Variants in MMP24 observed in about 807,000 individuals in gnomAD.
The protein encoded by MMP24 is matrix metallopeptidase 24, also known as matrix metalloproteinase-24.
In MMP24, 25 loss-of-function variants were observed where a neutral mutation model predicts 62.8. The ratio of observed to expected loss-of-function variants is 0.40; its 90% CI spans 0.29 to 0.56. MMP24 has a LOEUF of 0.56. Among genes scored for constraint, MMP24 ranks in the 20% least tolerant of loss-of-function variants. The pLI is 0.50. For missense variants in MMP24, 634 were observed against 853.6 expected (o/e 0.74, Z 3.21); for synonymous variants, 319 against 350.5 (o/e 0.91, Z 1.00).
At chr20:35,268,293 T>C (rs976504764) in intron 6 of MMP24, among the ~76,000 whole-genome samples, 1 of 152,228 alleles carries the variant, frequency 6.6e-6, no homozygotes, top group Non-Finnish European at 1.5e-5. Context: ...GAAAACTGCC[T>C]GCTGGCCACA....
chr20:35,270,552 C>T (rs2060663354), intron 7 of MMP24, among the ~76,000 whole-genome samples: 1 of 152,218 alleles, frequency 6.6e-6, no homozygotes, highest in African/African-American at 2.4e-5. Context: ...TCCATTAGGC[C>T]AAGGCTGGAA....
chr20:35,247,338 G>A (rs999845616), intron 2 of MMP24, among the ~76,000 whole-genome samples: 1 of 152,184 alleles, frequency 6.6e-6, no homozygotes, highest in Non-Finnish European at 1.5e-5. Context: ...CAACGTGCAT[G>A]TCTCACAGAA....
chr20:35,261,148 T>A (rs982712937), intron 4 of MMP24, among the ~76,000 whole-genome samples: 1 of 152,134 alleles, frequency 6.6e-6, no homozygotes, highest in African/African-American at 2.4e-5. Flanking sequence ...ACCCCCTGCA[T>A]TTTCTCCCCA....
intron 3 of MMP24, 55 bp downstream of exon 3, chr20:35,252,076 T>C (rs1568614731): frequency 7.1e-7 from 1 of 1,414,714 alleles, no homozygotes; most frequent in Non-Finnish European, 1.0e-6. Context: ...CACTCTGTTT[T>C]TCCTGGCCTG....
intron 7 of MMP24, among the ~76,000 whole-genome samples, 173 bp downstream of exon 7, chr20:35,270,071 G>A (rs115123520): frequency 9.8e-4 from 150 of 152,336 alleles, no homozygotes; most frequent in African/African-American, 3.5e-3. Context: ...CTGAGAATCT[G>A]TATGTGCCGA....
chr20:35,242,761 A>T (rs1324007866), intron 1 of MMP24, among the ~76,000 whole-genome samples: 1 of 152,238 alleles, frequency 6.6e-6, no homozygotes. Flanking sequence ...TGTCATGTCC[A>T]TAAGTCACCC....
chr20:35,246,621 C>T (rs1229348255), intron 1 of MMP24, among the ~76,000 whole-genome samples: 2 of 152,122 alleles, frequency 1.3e-5, no homozygotes, highest in Non-Finnish European at 2.9e-5. Flanking sequence ...AGTAGAAATC[C>T]AATGAAATGT....
intron 4 of MMP24, among the ~76,000 whole-genome samples, chr20:35,255,754 T>G (rs1227406956): frequency 6.6e-6 from 1 of 152,216 alleles, no homozygotes; most frequent in Non-Finnish European, 1.5e-5. Flanking sequence ...CTACTGGCTA[T>G]GTGATACCCT....
chr20:35,249,949 T>C (rs2060536081), intron 2 of MMP24, among the ~76,000 whole-genome samples: 1 of 151,914 alleles, frequency 6.6e-6, no homozygotes, highest in Non-Finnish European at 1.5e-5. Context: ...AACTTTTTTA[T>C]TTTATTTATT....
At chr20:35,255,890 T>C (rs2146221490) in intron 4 of MMP24, 1 of 152,294 alleles carries the variant, frequency 6.6e-6, no homozygotes, top group East Asian at 1.9e-4. Flanking sequence ...AAAAATGGCA[T>C]GATCTCTGTC....
chr20:35,254,767 G>A lies in MMP24; in HGVS notation c.817+13G>A, dbSNP rs2060566387. ...GCCAACCATGACGGTAAGGCCATGA[G>A]GGGACAGGGGTCAGTCTTGGGCTGC... On this transcript the variant is annotated intron_variant, in intron 4 of 8. Transcript: ENST00000246186. 1 of 1,600,840 alleles carries A rather than the reference G, an allele frequency of 6.2e-7. No individual in the cohort carries two copies. The highest frequency in any genetic ancestry group is 8.5e-7 in the Non-Finnish European group (1 of 1,172,558).
chr20:35,231,295 A>C lies in MMP24; in HGVS notation c.246+4311A>C, dbSNP rs78081258. Among the ~76,000 whole-genome samples, 338 of 152,262 alleles carry C rather than the reference A, an allele frequency of 2.2e-3. 1 individual carries two copies. Among genetic ancestry groups the C allele is most frequent in the African/African-American group, 7.9e-3 (328 of 41,556 alleles). ...GTTTTGAGTGGTTTGTGCTGAGGAG[A>C]TGGAGAACAGTCTTTGGTTTGAAAC... is the stretch of plus-strand genomic sequence containing the variant. On this transcript the variant is annotated intron_variant, in intron 1 of 8. Coordinates refer to ENST00000246186, the MANE Select transcript of MMP24 (RefSeq NM_006690.4).
chr20:35,241,839 G>A (rs1210734418), intron 1 of MMP24, among the ~76,000 whole-genome samples: 1 of 152,122 alleles, frequency 6.6e-6, no homozygotes, highest in Non-Finnish European at 1.5e-5. Context: ...GCTTCGAGGT[G>A]GATGCTCAAA....
intron 4 of MMP24, among the ~76,000 whole-genome samples, chr20:35,259,955 T>C (rs1229391090): frequency 3.9e-5 from 6 of 152,188 alleles, no homozygotes; most frequent in Non-Finnish European, 8.8e-5. Context: ...CCATTGTTCC[T>C]TCTATCTTCC....
intron 1 of MMP24, among the ~76,000 whole-genome samples, chr20:35,230,312 A>G (rs1366538811): frequency 6.6e-6 from 1 of 152,128 alleles, no homozygotes; most frequent in Non-Finnish European, 1.5e-5. Context: ...TAATAGTTAA[A>G]CATTATTTTT....
At chr20:35,239,116 G>C (rs2060476749) in intron 1 of MMP24, among the ~76,000 whole-genome samples, 1 of 149,720 alleles carries the variant, frequency 6.7e-6, no homozygotes, top group Non-Finnish European at 1.5e-5. Flanking sequence ...CCGTGATCTT[G>C]GCTCACTGCA....
rs2060564489 is a variant in MMP24 at position 35,254,475 on chromosome 20, G to C, written c.538G>C (p.Gly180Arg). 6.2e-7 allele frequency: 1 copy of C among 1,613,852 alleles called. No individual in the cohort carries two copies. The highest frequency in any genetic ancestry group is 1.3e-5 in the African/African-American group (1 of 74,920). Residue 180 changes from glycine to arginine, a missense_variant, in exon 4 of 9, where the codon GGT becomes CGT. Transcript: ENST00000246186. ...CATTCACAACTATACCCCAAAAGTG[G>C]GTGAGCTAGACACGCGGAAAGCTAT... Reference protein sequence around the residue: ...YSIHNYTPKVGELDTRKAIRQ... With the variant: ...YSIHNYTPKVRELDTRKAIRQ...
intron 5 of MMP24, chr20:35,264,247 G>A (rs907524107): frequency 2.5e-4 from 55 of 222,862 alleles, no homozygotes; most frequent in East Asian, 5.2e-4. Flanking sequence ...ACTCTTCCCC[G>A]TCCCTTCATG....
rs781468420 is a variant in MMP24, at chr20:35,254,432, C to A, written c.513-18C>A. 6.2e-7 allele frequency: 1 copy of A among 1,601,048 alleles called. No homozygotes were observed. Among genetic ancestry groups the A allele is most frequent in the Non-Finnish European group, 8.5e-7 (1 of 1,170,880 alleles). The stretch of plus-strand genomic sequence containing the variant: ...TGACTCTCTGATCTTGCCTAATGAT[C>A]CTCCCCTCTCTCACCAGCATTCACA... On this transcript the variant is annotated intron_variant, in intron 3 of 8. Transcript: ENST00000246186.
Sources: allele counts gnomAD v4.1 joint callset (sites outside exome capture counted in the v4.1 genomes callset), GRCh38; gene constraint gnomAD v4.1.1; transcripts MANE v1.5; gene names NCBI Gene and HGNC (gene_info 2026-07-23, HGNC 2026-07-21).